CLEC16A: variants seen among roughly 807,000 people sequenced by gnomAD.
CLEC16A encodes protein CLEC16A.
In CLEC16A, 51 loss-of-function variants were observed where a neutral mutation model predicts 109.5. The ratio of observed to expected loss-of-function variants is 0.47; its 90% CI spans 0.37 to 0.59. The LOEUF (loss-of-function observed/expected upper bound fraction) is 0.59, where lower values mean the gene tolerates loss of function less well. CLEC16A is among the 20% of genes least tolerant of loss of function. The pLI is 0.00. For missense variants in CLEC16A, 1,339 were observed against 1,394.0 expected, an observed-to-expected ratio of 0.96 and a Z score of 0.63; for synonymous variants, 673 against 564.2, an observed-to-expected ratio of 1.19 and a Z score of -2.73.
rs1259124916 is a variant in CLEC16A, at chr16:10,961,735, G to T, written c.210-720G>T. Among the ~76,000 whole-genome samples the T allele has an allele frequency of 6.6e-6, 1 of 152,130 alleles. No homozygotes were observed. Among genetic ancestry groups the T allele is most frequent in the Non-Finnish European group, 1.5e-5 (1 of 68,020 alleles). ...ATTTTCCCCTAGAACTTGACAATTT[G>T]GGAGCCACAGTACATTTGGTTGTCA... On this transcript the variant is annotated intron_variant, in intron 2 of 23. Transcript: ENST00000409790. The surrounding 1 kb of genome is among the most constrained non-coding windows in gnomAD (Gnocchi z 4.3).
intron 13 of CLEC16A, chr16:11,027,097 C>A: frequency 6.5e-7 from 1 of 1,529,692 alleles, no homozygotes; most frequent in Non-Finnish European, 9.0e-7. Flanking sequence ...GCTTATCAGG[C>A]ACTCAAAGCC....
chr16:11,016,152 A>G (rs897526621), intron 11 of CLEC16A, among the ~76,000 whole-genome samples: 5 of 152,150 alleles, frequency 3.3e-5, no homozygotes, highest in African/African-American at 1.2e-4. Context: ...AAAGATGAGA[A>G]GCGTTAAAAG....
intron 19 of CLEC16A, among the ~76,000 whole-genome samples, chr16:11,067,189 G>GTTTTTTTTTTT (rs71406205): frequency 4.0e-5 from 4 of 98,976 alleles, no homozygotes; most frequent in African/African-American, 7.8e-5. Flanking sequence ...GTTTGTTTTT[G>GTTTTTTTTTTT]TTTTTTTTTT....
Position 10,986,012 on chromosome 16 carries a change from A to ATTTTTTT in CLEC16A, c.1071+3051_1071+3057dup, listed in dbSNP as rs59547466. ...TGAGACACTGCACCTGGCCTGCAGAATTTTTTTTTTTTTTTTTTTTTTTTT... is the reference window on the plus strand; with the variant it reads ...TGAGACACTGCACCTGGCCTGCAGAATTTTTTTTTTTTTTTTTTTTTTTTTTTTTTTT... On this transcript the variant is annotated intron_variant, in intron 10 of 23. Coordinates refer to ENST00000409790, the MANE Select transcript of CLEC16A (RefSeq NM_015226.3). 6.8e-3 allele frequency among the ~76,000 whole-genome samples: 296 copies of ATTTTTTT among 43,454 alleles called. 65 individuals carry two copies. Among genetic ancestry groups the ATTTTTTT allele is most frequent in the African/African-American group, 7.8e-3 (69 of 8,822 alleles). 28.5% of individuals were successfully genotyped at this position (43,454 alleles called of 152,430 possible). A position where few individuals can be genotyped will look rare whatever the true frequency, so the allele number is the denominator to read the frequency against.
At position 11,055,992 on chromosome 16, in the gene CLEC16A, T is replaced by C. The variant is rs140771379; in HGVS notation, c.1995+4351T>C. On this transcript the variant is annotated intron_variant, in intron 18 of 23. Coordinates refer to ENST00000409790, the MANE Select transcript of CLEC16A (RefSeq NM_015226.3). Reference sequence around the variant, plus strand: ...TGAGTAAGATGCAAGACAAGAATGATGAGCAAATAATATAAAATAAGACCA... The same window carrying C: ...TGAGTAAGATGCAAGACAAGAATGACGAGCAAATAATATAAAATAAGACCA... Among the ~76,000 whole-genome samples, 5 of 152,260 alleles carry C rather than the reference T, an allele frequency of 3.3e-5. No individual in the cohort carries two copies. The East Asian group carries it at 9.7e-4, about 29-fold the overall frequency.
At chr16:11,091,452 G>C (rs1055837381) in intron 19 of CLEC16A, among the ~76,000 whole-genome samples, 1 of 152,342 alleles carries the variant, frequency 6.6e-6, no homozygotes, top group African/African-American at 2.4e-5. Context: ...AGGGCGGGTG[G>C]GGCTGTGTGC....
chr16:10,944,837 C>G (rs2041261085), intron 1 of CLEC16A, 40 bp downstream of exon 1: 1 of 1,532,428 alleles, frequency 6.5e-7, no homozygotes, highest in Non-Finnish European at 8.9e-7. Flanking sequence ...CGGGGCTGGA[C>G]AGGGGGACGG....
chr16:11,049,552 A>G (rs578218005), intron 17 of CLEC16A, among the ~76,000 whole-genome samples: 1 of 152,296 alleles, frequency 6.6e-6, no homozygotes, highest in South Asian at 2.1e-4. Flanking sequence ...GGCATTCCAG[A>G]GAAATACAAA....
chr16:11,120,835 C>T lies in CLEC16A; in HGVS notation c.2268+69C>T, dbSNP rs542573258. 264 of 1,200,476 alleles carry T rather than the reference C, an allele frequency of 2.2e-4. No homozygotes were observed. In the African/African-American group the frequency reaches 3.6e-3, roughly 16 times the overall value. 74.4% of individuals were successfully genotyped at this position (1,200,476 alleles called of 1,614,324 possible). On this transcript the variant is annotated intron_variant, in intron 20 of 23. Transcript: ENST00000409790. Reference sequence around the variant, plus strand: ...AAACACACACACACACACACACACACACACCACACACAATTGTCATCTTTA... The same window carrying T: ...AAACACACACACACACACACACACATACACCACACACAATTGTCATCTTTA...
chr16:11,176,222 T>C (rs1183507908), intron 23 of CLEC16A, among the ~76,000 whole-genome samples: 1 of 152,258 alleles, frequency 6.6e-6, no homozygotes, highest in African/African-American at 2.4e-5. Context: ...CAAGCCATCC[T>C]TACTGAATGG....
At chr16:11,157,201 C>T in intron 22 of CLEC16A, 1 of 1,248,058 alleles carries the variant, frequency 8.0e-7, no homozygotes, top group Non-Finnish European at 1.0e-6. Flanking sequence ...GAAAAGCAAT[C>T]AGAAATAAAA....
chr16:10,948,041 C>T (rs1008511391), intron 1 of CLEC16A, among the ~76,000 whole-genome samples: 20 of 151,996 alleles, frequency 1.3e-4, no homozygotes, highest in Admixed American at 5.2e-4. Flanking sequence ...CTACAGGCGC[C>T]CGCCACCACG....
intron 10 of CLEC16A, among the ~76,000 whole-genome samples, chr16:10,991,277 A>G (rs1172508083): frequency 6.6e-6 from 1 of 152,064 alleles, no homozygotes; most frequent in Non-Finnish European, 1.5e-5. Flanking sequence ...ACAGACTCAA[A>G]GGAAGCAAGA....
At chr16:10,966,749 G>A (rs553069168) in intron 3 of CLEC16A, among the ~76,000 whole-genome samples, 3 of 152,114 alleles carry the variant, frequency 2.0e-5, no homozygotes, top group Non-Finnish European at 2.9e-5. Context: ...ATCACATCTC[G>A]TGAGAACTCA....
intron 22 of CLEC16A, among the ~76,000 whole-genome samples, chr16:11,153,004 C>T (rs1190335030): frequency 6.6e-6 from 1 of 152,154 alleles, no homozygotes; most frequent in Non-Finnish European, 1.5e-5. Flanking sequence ...CCACCCCGAC[C>T]CCGCAGCCTC....
At chr16:11,020,510 CTG>C (rs750359729) in intron 12 of CLEC16A, among the ~76,000 whole-genome samples, 185 bp downstream of exon 12, 1 of 152,294 alleles carries the variant, frequency 6.6e-6, no homozygotes, top group South Asian at 2.1e-4. Context: ...TCACTCAACA[CTG>C]TAATGCTCAC....
intron 12 of CLEC16A, among the ~76,000 whole-genome samples, chr16:11,023,005 AT>A (rs1208730336): frequency 6.6e-6 from 1 of 150,416 alleles, no homozygotes; most frequent in Non-Finnish European, 1.5e-5. Flanking sequence ...TTATGAAAGT[AT>A]GCAAAATCTT....
chr16:10,998,395 C>G (rs916285961), intron 10 of CLEC16A, among the ~76,000 whole-genome samples: 1 of 152,144 alleles, frequency 6.6e-6, no homozygotes, highest in African/African-American at 2.4e-5. Context: ...TCCTGTAGCC[C>G]AGCCTCAGGC....
chr16:11,128,997 T>C (rs890093295), intron 22 of CLEC16A, among the ~76,000 whole-genome samples: 2 of 152,106 alleles, frequency 1.3e-5, no homozygotes, highest in African/African-American at 4.8e-5. Flanking sequence ...AAAATCCACA[T>C]CTCTCCTTCT....
Sources: allele counts gnomAD v4.1 joint callset (sites outside exome capture counted in the v4.1 genomes callset), GRCh38; gene constraint gnomAD v4.1.1; non-coding constraint Gnocchi (gnomAD v3.1); transcripts MANE v1.5; gene names NCBI Gene and HGNC (gene_info 2026-07-23, HGNC 2026-07-21).